ACADSB: variants seen among roughly 807,000 people sequenced by gnomAD.
The protein encoded by ACADSB is acyl-CoA dehydrogenase short/branched chain, also known as short/branched chain specific acyl-CoA dehydrogenase, mitochondrial.
ACADSB carries 40 observed loss-of-function variants against 54.1 expected under a neutral mutation model. The observed-to-expected ratio is 0.74, with a 90% confidence interval of 0.57 to 0.96. The LOEUF is 0.96. ACADSB is among the 40% of genes least tolerant of loss of function. The pLI is 0.00. For synonymous variants in ACADSB, 182 were observed against 182.8 expected (o/e 1.00, Z 0.03); for missense variants, 530 against 510.4 (o/e 1.04, Z -0.37).
intron 1 of ACADSB, among the ~76,000 whole-genome samples, chr10:123,024,928 C>T (rs1564747808): frequency 6.6e-6 from 1 of 152,180 alleles, no homozygotes; most frequent in East Asian, 1.9e-4. Flanking sequence ...TAATTTAGTT[C>T]TAGGAAACCC....
chr10:123,038,572 G>C (rs1475490479), intron 3 of ACADSB, among the ~76,000 whole-genome samples: 1 of 152,140 alleles, frequency 6.6e-6, no homozygotes, highest in Non-Finnish European at 1.5e-5. Context: ...TTCCGCAGAG[G>C]TATAAAATAT....
At chr10:123,037,970 C>G (rs1206400438) in intron 3 of ACADSB, 123 bp downstream of exon 3, 2 of 758,416 alleles carry the variant, frequency 2.6e-6, no homozygotes, top group Admixed American at 2.6e-5. Flanking sequence ...GGTTGAAATC[C>G]TACTTGATAT....
At chr10:123,037,664 G>C in intron 2 of ACADSB, 83 bp from the exon 3 acceptor site, 1 of 946,960 alleles carries the variant, frequency 1.1e-6, no homozygotes, top group Non-Finnish European at 1.7e-6. Context: ...TTTTAACTTA[G>C]TTAAAATGTA....
chr10:123,013,615 A>C (rs1850070364), intron 1 of ACADSB, among the ~76,000 whole-genome samples: 1 of 152,216 alleles, frequency 6.6e-6, no homozygotes, highest in Non-Finnish European at 1.5e-5. Flanking sequence ...GGGGAGACTC[A>C]GGCATGGTGG....
intron 6 of ACADSB, 132 bp from the exon 7 acceptor site, chr10:123,044,261 A>G: frequency 1.3e-6 from 1 of 745,996 alleles, no homozygotes; most frequent in Non-Finnish European, 2.4e-6. Context: ...GCGTAGAGGG[A>G]GACACAGATG....
At chr10:123,037,913 TA>T (rs1376284978) in intron 3 of ACADSB, 66 bp downstream of exon 3, 7 of 1,138,778 alleles carry the variant, frequency 6.1e-6, no homozygotes, top group Non-Finnish European at 1.3e-6. Context: ...AATGATAGCA[TA>T]ATGAACCCTG....
intron 7 of ACADSB, among the ~76,000 whole-genome samples, chr10:123,045,003 A>AT (rs940402331): frequency 3.3e-5 from 5 of 149,644 alleles, no homozygotes; most frequent in Admixed American, 2.0e-4. Flanking sequence ...ACTATTCAAA[A>AT]TTTTTTTTTA....
chr10:123,025,919 G>C (rs1326799218), intron 1 of ACADSB, among the ~76,000 whole-genome samples: 4 of 152,120 alleles, frequency 2.6e-5, no homozygotes, highest in Admixed American at 2.6e-4. Context: ...AAATTAGCCA[G>C]GCGTGGTGGT....
intron 8 of ACADSB, 83 bp downstream of exon 8, chr10:123,047,381 G>C: frequency 9.9e-7 from 1 of 1,008,910 alleles, no homozygotes; most frequent in Non-Finnish European, 1.6e-6. Context: ...ATCCATGGAG[G>C]GAATCCCTTC....
Position 123,018,474 on chromosome 10 carries a change from G to A in ACADSB, c.42+9403G>A, listed in dbSNP as rs562386246. On this transcript the variant is annotated intron_variant, in intron 1 of 10. Coordinates refer to ENST00000358776, the MANE Select transcript of ACADSB (RefSeq NM_001609.4). The stretch of plus-strand genomic sequence containing the variant: ...AATCAGAGACTGGTAGATGGGAAAG[G>A]TTGCGTTTTTAGCAGTTTTGGAGAA... Among the ~76,000 whole-genome samples the A allele has an allele frequency of 5.3e-5, 8 of 152,264 alleles. No individual in the cohort carries two copies. The South Asian group carries it at 1.2e-3, about 24-fold the overall frequency.
intron 1 of ACADSB, among the ~76,000 whole-genome samples, chr10:123,017,798 A>C (rs1232046598): frequency 6.6e-6 from 1 of 152,150 alleles, no homozygotes; most frequent in African/African-American, 2.4e-5. Context: ...CCCATAATGA[A>C]AGTCGGGGGT....
intron 1 of ACADSB, among the ~76,000 whole-genome samples, chr10:123,011,138 G>A (rs1850028722): frequency 6.6e-6 from 1 of 152,194 alleles, no homozygotes; most frequent in Admixed American, 6.5e-5. Flanking sequence ...CAAGTGGCAT[G>A]GAGTGGGGAG....
chr10:123,014,484 G>T (rs948056425), intron 1 of ACADSB, among the ~76,000 whole-genome samples: 1 of 152,184 alleles, frequency 6.6e-6, no homozygotes. Context: ...GCAGGCATGA[G>T]CCACTGTGCC....
Position 123,052,054 on chromosome 10 carries a change from G to A in ACADSB, c.1128+868G>A, listed in dbSNP as rs1850640043. ...GGTCCCTGGTGCTTCCTCCCATCCA[G>A]CCTCTCTCCTTTTTCAAAGTGGCAG... On this transcript the variant is annotated intron_variant, in intron 9 of 10. Coordinates refer to ENST00000358776, the MANE Select transcript of ACADSB (RefSeq NM_001609.4). The surrounding 1 kb of genome is among the most constrained non-coding windows in gnomAD (Gnocchi z 4.2). Among the ~76,000 whole-genome samples the A allele has an allele frequency of 6.6e-6, 1 of 152,084 alleles. No homozygotes were observed. The highest frequency in any genetic ancestry group is 6.6e-5 in the Admixed American group (1 of 15,254).
Position 123,043,117 on chromosome 10 carries a change from C to T in ACADSB, c.753C>T (p.Asn251=). 1 of 1,613,950 alleles carries T rather than the reference C, an allele frequency of 6.2e-7. No individual in the cohort carries two copies. The highest frequency in any genetic ancestry group is 8.5e-7 in the Non-Finnish European group (1 of 1,179,914). The change falls in exon 6 of 11, where the codon AAC becomes AAT. Residue 251 remains asparagine, a synonymous_variant. Transcript: ENST00000358776. ...TPGLHIGKPE[N]KLGLRASSTC... ...GCCTTCATATAGGGAAACCTGAAAA[C>T]AAATTGGGGCTCAGAGCTTCTTCCA...
chr10:123,056,325 G>A lies in ACADSB; in HGVS notation c.*2560G>A, dbSNP rs1850707569. On this transcript the variant is annotated 3_prime_UTR_variant, in exon 11 of 11. Coordinates refer to ENST00000358776, the MANE Select transcript of ACADSB (RefSeq NM_001609.4). Reference sequence around the variant, plus strand: ...TGAAAAGCACTTCGTACATGGTGGTGGCAAGAGAAAATGAAGAAGAAGCAA... The same window carrying A: ...TGAAAAGCACTTCGTACATGGTGGTAGCAAGAGAAAATGAAGAAGAAGCAA... 4.2e-6 allele frequency: 1 copy of A among 239,604 alleles called. No homozygotes were observed. The highest frequency in any genetic ancestry group is 8.2e-6 in the Non-Finnish European group (1 of 122,520). 14.8% of individuals were successfully genotyped at this position (239,604 alleles called of 1,614,324 possible).
At position 123,037,790 on chromosome 10, in the gene ACADSB, C is replaced by T. The variant is rs1362185552; in HGVS notation, c.246C>T (p.Thr82=). 2 of 1,612,514 alleles carry T rather than the reference C, an allele frequency of 1.2e-6. No individual in the cohort carries two copies. The highest frequency in any genetic ancestry group is 1.1e-5 in the South Asian group (1 of 91,020). The change falls in exon 3 of 11, where the codon ACC becomes ACT. Residue 82 remains threonine (T), a synonymous_variant. Transcript: ENST00000358776. ...AQEQIAPLVS[T]MDENSKMEKS... is the part of the protein sequence containing the mutation. ...AACAAATTGCACCTTTGGTTTCAAC[C>T]ATGGATGAAAATTCGAAAATGGAGA...
At position 123,054,518 on chromosome 10, in the gene ACADSB, G is replaced by A. The variant is rs1850679695; in HGVS notation, c.*753G>A. ...CAGTACTTTATAGATTCAACTCTAA[G>A]TTGCAAGCGAAGTCAAAACTGATGA... On this transcript the variant is annotated 3_prime_UTR_variant, in exon 11 of 11. Coordinates refer to ENST00000358776, the MANE Select transcript of ACADSB (RefSeq NM_001609.4). The A allele has an allele frequency of 6.6e-6, 1 of 152,182 alleles. No individual in the cohort carries two copies. The highest frequency in any genetic ancestry group is 2.4e-5 in the African/African-American group (1 of 41,430). The allele number at this position is 152,182 out of a possible 1,614,324, so 9.4% of individuals were successfully genotyped here.
At chr10:123,012,783 G>C (rs1273436843) in intron 1 of ACADSB, among the ~76,000 whole-genome samples, 3 of 152,322 alleles carry the variant, frequency 2.0e-5, no homozygotes, top group Non-Finnish European at 4.4e-5. Context: ...GCAGCGGCAA[G>C]ATTTATTGCA....
Sources: allele counts gnomAD v4.1 joint callset (sites outside exome capture counted in the v4.1 genomes callset), GRCh38; gene constraint gnomAD v4.1.1; non-coding constraint Gnocchi (gnomAD v3.1); transcripts MANE v1.5; gene names NCBI Gene and HGNC (gene_info 2026-07-23, HGNC 2026-07-21).